ABCA9: variants seen among roughly 807,000 people sequenced by gnomAD.
The protein encoded by ABCA9 is ATP-binding cassette sub-family A member 9.
Under a neutral mutation model 205.3 loss-of-function variants are expected in ABCA9, and 183 were observed. The observed-to-expected ratio is 0.89, with a 90% CI of 0.79 to 1.01. The LOEUF (loss-of-function observed/expected upper bound fraction) is 1.01, where lower values mean the gene tolerates loss of function less well. Among genes scored for constraint, ABCA9 ranks in the 50% least tolerant of loss-of-function variants. The pLI is 0.00. For synonymous variants in ABCA9, 651 were observed against 683.3 expected (o/e 0.95, Z 0.74); for missense variants, 1,805 against 1,912.4 (o/e 0.94, Z 1.05).
At chr17:69,017,842 A>C (rs1279578343) in intron 20 of ABCA9, 53 bp from the exon 21 acceptor site, 1 of 1,572,656 alleles carries the variant, frequency 6.4e-7, no homozygotes, top group Non-Finnish European at 8.7e-7. Flanking sequence ...ACAATAGTCA[A>C]GTAATATTAA....
chr17:69,016,123 TAC>T (rs145740691), intron 22 of ABCA9, 128 bp downstream of exon 22: 3,022 of 104,848 alleles, frequency 0.029, 28 homozygotes, highest in East Asian at 0.07. Context: ...TATATATATA[TAC>T]ACACACACAC....
chr17:69,026,977 C>A lies in ABCA9; in HGVS notation c.2049G>T (p.Ala683=). 1.2e-6 allele frequency: 2 copies of A among 1,613,634 alleles called. No individual in the cohort carries two copies. Among genetic ancestry groups the A allele is most frequent in the Non-Finnish European group, 1.7e-6 (2 of 1,179,804 alleles). Residue 683 remains alanine, a splice_region_variant and synonymous_variant, in exon 15 of 39, where the codon GCG becomes GCT. Coordinates refer to ENST00000340001, the MANE Select transcript of ABCA9 (RefSeq NM_080283.4). The part of the protein sequence containing the change: ...TQFIDEADIL[A]DRKVFISNGK... ...TACATAAGAGAAACAAAAAATTACC[C>A]GCCAGAATGTCAGCCTCATCTATAA...
intron 32 of ABCA9, 132 bp from the exon 33 acceptor site, chr17:68,985,260 A>C: frequency 9.2e-7 from 1 of 1,084,702 alleles, no homozygotes. Flanking sequence ...AATTTAAACC[A>C]CCTAGGTACT....
At position 68,975,616 on chromosome 17, in the gene ABCA9, T is replaced by G; in HGVS notation, c.*299A>C. On this transcript the variant is annotated 3_prime_UTR_variant, in exon 39 of 39. Coordinates refer to ENST00000340001, the MANE Select transcript of ABCA9 (RefSeq NM_080283.4). ...GAGAAAGAAAATTAAGCATTCTCCA[T>G]GACATCCTCAGAAATGTAGACAATT... The G allele has an allele frequency of 4.7e-6, 1 of 213,644 alleles. No homozygotes were observed. The highest frequency in any genetic ancestry group is 9.3e-6 in the Non-Finnish European group (1 of 107,682). The allele number at this position is 213,644 out of a possible 1,614,324, so 13.2% of individuals were successfully genotyped here. A position where few individuals can be genotyped will look rare whatever the true frequency, so the allele number is the denominator to read the frequency against.
intron 23 of ABCA9, 92 bp from the exon 24 acceptor site, chr17:69,008,327 C>T: frequency 8.0e-7 from 1 of 1,243,000 alleles, no homozygotes; most frequent in Non-Finnish European, 1.2e-6. Flanking sequence ...TTCATTTTTG[C>T]TTCGCCTTTT....
intron 22 of ABCA9, among the ~76,000 whole-genome samples, chr17:69,013,822 G>T (rs950494960): frequency 1.3e-5 from 2 of 152,062 alleles, no homozygotes; most frequent in African/African-American, 4.8e-5. Context: ...GAGCTACAGT[G>T]AGCCTGGTAC....
chr17:69,055,074 C>T (rs1372403934), intron 1 of ABCA9, among the ~76,000 whole-genome samples: 1 of 151,782 alleles, frequency 6.6e-6, no homozygotes, highest in Non-Finnish European at 1.5e-5. Context: ...AAAATGTAGA[C>T]CAAAAATAGA....
chr17:69,032,648 G>T (rs1402393157), intron 9 of ABCA9: 1 of 164,290 alleles, frequency 6.1e-6, no homozygotes, highest in Non-Finnish European at 1.3e-5. Flanking sequence ...CACCCAGGCT[G>T]CAGTCCAGTA....
chr17:68,977,529 C>G (rs1028000348), intron 37 of ABCA9, among the ~76,000 whole-genome samples: 5 of 152,166 alleles, frequency 3.3e-5, no homozygotes, highest in Non-Finnish European at 7.3e-5. Context: ...GACCATTTCA[C>G]CTTCTAAGCT....
At position 69,028,445 on chromosome 17, in the gene ABCA9, G is replaced by T. The variant is rs920640183; in HGVS notation, c.1615+90C>A. ...TTCCCAAAGTGCTGGGATTACAGGT[G>T]TGAGCCACCGTGCCCAGCCCCAGTT... On this transcript the variant is annotated intron_variant, in intron 12 of 38. Coordinates refer to ENST00000340001, the MANE Select transcript of ABCA9 (RefSeq NM_080283.4). The T allele has an allele frequency of 1.6e-5, 14 of 856,692 alleles. No homozygotes were observed. In the African/African-American group the frequency reaches 2.1e-4, roughly 13 times the overall value. The allele number at this position is 856,692 out of a possible 1,614,324, so 53.1% of individuals were successfully genotyped here.
rs114204784 is a variant in ABCA9, at chr17:69,033,682, C to G, written c.1276+44G>C. 5,431 of 1,517,742 alleles carry G rather than the reference C, an allele frequency of 3.6e-3. 142 individuals carry two copies. The African/African-American group carries it at 0.064, about 18-fold the overall frequency. 94.0% of individuals were successfully genotyped at this position (1,517,742 alleles called of 1,614,324 possible). A position where few individuals can be genotyped will look rare whatever the true frequency, so the allele number is the denominator to read the frequency against. On this transcript the variant is annotated intron_variant, in intron 9 of 38. Transcript: ENST00000340001. The stretch of plus-strand genomic sequence containing the variant: ...ATTGTAGAGTTGTTTTAAAGACATG[C>G]AATTATTGAAATTGTGTTAAATTAC...
At chr17:69,062,861 C>T (rs932537353), upstream of ABCA9, among the ~76,000 whole-genome samples, 1 of 152,198 alleles carries the variant, frequency 6.6e-6, no homozygotes, top group African/African-American at 2.4e-5. Context: ...AATTCAAAAA[C>T]AATCCCATGG....
upstream of ABCA9, among the ~76,000 whole-genome samples, chr17:69,064,630 T>C (rs1314181573): frequency 2.6e-5 from 4 of 152,096 alleles, no homozygotes; most frequent in Non-Finnish European, 5.9e-5. Context: ...GGAGGGGAGA[T>C]GGTAGAGATT....
At chr17:69,059,955 T>A (rs1319465187) in intron 1 of ABCA9, among the ~76,000 whole-genome samples, 2 of 152,156 alleles carry the variant, frequency 1.3e-5, no homozygotes, top group Admixed American at 1.3e-4. Context: ...CTGCAACATT[T>A]CCAACTAAGA....
chr17:69,043,708 G>C lies in ABCA9; in HGVS notation c.581C>G (p.Thr194Arg), dbSNP rs752910942. The C allele has an allele frequency of 6.3e-7, 1 of 1,591,958 alleles. No individual in the cohort carries two copies. The highest frequency in any genetic ancestry group is 2.2e-5 in the East Asian group (1 of 44,696). Residue 194 changes from threonine (T) to arginine (R), a missense_variant, in exon 6 of 39, where the codon ACA becomes AGA. Physicochemically the swap from Thr to Arg is moderately conservative, Grantham distance 71. Coordinates refer to ENST00000340001, the MANE Select transcript of ABCA9 (RefSeq NM_080283.4). ...CAGCTGTTCCATCACTGAATGATTT[G>C]TTGCGATCTGAAGAAAGATATCAAT... ...AINAAIIEIATNHSVMEQLMS... is the reference protein window; with the variant it reads ...AINAAIIEIARNHSVMEQLMS...
chr17:69,064,033 TGCCTGTTGAA>T (rs138970566), upstream of ABCA9, among the ~76,000 whole-genome samples: 658 of 152,356 alleles, frequency 4.3e-3, 10 homozygotes, highest in African/African-American at 0.015. Context: ...GCCTAAAGGA[TGCCTGTTGAA>T]GTAGTATAAT....
intron 25 of ABCA9, among the ~76,000 whole-genome samples, chr17:69,005,597 C>A (rs9899675): frequency 6.6e-6 from 1 of 152,156 alleles, no homozygotes; most frequent in African/African-American, 2.4e-5. Context: ...GGAAAAGCTC[C>A]GTATCAGGGA....
Position 69,043,480 on chromosome 17 carries a change from A to G in ABCA9, c.800+9T>C. On this transcript the variant is annotated intron_variant, in intron 6 of 38. Coordinates refer to ENST00000340001, the MANE Select transcript of ABCA9 (RefSeq NM_080283.4). Reference sequence around the variant, plus strand: ...ATGCTGTATAATGGATTGGAGTCATATGATTTACCAGAATGCTGACTCTCG... The same window carrying G: ...ATGCTGTATAATGGATTGGAGTCATGTGATTTACCAGAATGCTGACTCTCG... The G allele has an allele frequency of 6.4e-7, 1 of 1,558,802 alleles. No individual in the cohort carries two copies. Among genetic ancestry groups the G allele is most frequent in the Non-Finnish European group, 8.7e-7 (1 of 1,148,178 alleles).
In ABCA9 at chr17:69,029,200, T is replaced by G; in HGVS notation, c.1473A>C (p.Ala491=). Residue 491 remains alanine (A), a synonymous_variant, in exon 11 of 39, where the codon GCA becomes GCC. Transcript: ENST00000340001. Reference sequence around the variant, plus strand: ...AAGCTTCTACTCTCTCACACTTCCCTGCATATTCTTTTTTAAGATTTTTGA... The same window carrying G: ...AAGCTTCTACTCTCTCACACTTCCCGGCATATTCTTTTTTAAGATTTTTGA... The part of the protein sequence containing the change: ...IRIKNLKKEY[A]GKCERVEALK... 3 of 1,560,746 alleles carry G rather than the reference T, an allele frequency of 1.9e-6. No homozygotes were observed. Among genetic ancestry groups the G allele is most frequent in the Non-Finnish European group, 2.6e-6 (3 of 1,142,904 alleles).
Sources: gnomAD v4.1 joint callset for allele counts (sites outside exome capture counted in the v4.1 genomes callset) on GRCh38, gnomAD v4.1.1 for gene constraint, MANE v1.5 for transcripts, NCBI Gene and HGNC (gene_info 2026-07-23, HGNC 2026-07-21) for gene names.